DGKB: variants seen among roughly 807,000 people sequenced by gnomAD.
The protein encoded by DGKB is diacylglycerol kinase beta, also known as 90 kDa diacylglycerol kinase.
A neutral mutation model predicts 114.3 loss-of-function variants in DGKB; 67 were observed. The observed-to-expected ratio is 0.59, with a 90% confidence interval of 0.48 to 0.72. DGKB has a LOEUF of 0.72. DGKB is among the 30% of genes least tolerant of loss of function. DGKB has a pLI of 0.00. For missense variants in DGKB, 907 were observed against 975.2 expected, an observed-to-expected ratio of 0.93 and a Z score of 0.93; for synonymous variants, 398 against 323.1, an observed-to-expected ratio of 1.23 and a Z score of -2.49.
intron 1 of DGKB, among the ~76,000 whole-genome samples, chr7:14,919,825 T>A (rs901415271): frequency 9.2e-5 from 14 of 152,088 alleles, no homozygotes; most frequent in African/African-American, 3.4e-4. Context: ...CATGTGAGCT[T>A]GTTGTTTAAC....
At chr7:14,490,973 C>CATTAA (rs1389328440) in intron 20 of DGKB, among the ~76,000 whole-genome samples, 2 of 150,922 alleles carry the variant, frequency 1.3e-5, no homozygotes, top group Non-Finnish European at 3.0e-5. Context: ...AATGCAGAAA[C>CATTAA]AGGAGAGATG....
chr7:14,939,624 T>TA (rs1393610438), intron 1 of DGKB, among the ~76,000 whole-genome samples: 3 of 129,982 alleles, frequency 2.3e-5, no homozygotes, highest in African/African-American at 6.4e-5. Flanking sequence ...TATAATACTT[T>TA]TTTTTTTTTT....
At chr7:14,200,104 T>C (rs1452412999) in intron 23 of DGKB, among the ~76,000 whole-genome samples, 1 of 152,036 alleles carries the variant, frequency 6.6e-6, no homozygotes, top group Non-Finnish European at 1.5e-5. Flanking sequence ...GTTAATAAAT[T>C]GAGCACAAGG....
intron 23 of DGKB, among the ~76,000 whole-genome samples, chr7:14,273,046 T>G (rs1798491979): frequency 6.6e-6 from 1 of 152,120 alleles, no homozygotes; most frequent in Admixed American, 6.6e-5. Context: ...CTGAATTCAT[T>G]AGAAAGATCA....
chr7:14,706,460 G>A (rs899105752), intron 6 of DGKB, among the ~76,000 whole-genome samples: 8 of 150,732 alleles, frequency 5.3e-5, no homozygotes, highest in African/African-American at 1.7e-4. Flanking sequence ...TCTGCACCAA[G>A]AGGACCTAAT....
chr7:14,755,479 T>C (rs1018846492), intron 3 of DGKB, among the ~76,000 whole-genome samples: 4 of 152,152 alleles, frequency 2.6e-5, no homozygotes, highest in Admixed American at 1.3e-4. Context: ...TCATTCCAAA[T>C]TCAGGTTGCA....
At chr7:14,209,859 T>A (rs1026500180) in intron 23 of DGKB, among the ~76,000 whole-genome samples, 2 of 151,198 alleles carry the variant, frequency 1.3e-5, no homozygotes, top group Admixed American at 6.6e-5. Context: ...TGTTAAGCTA[T>A]CTGGCAAATT....
At chr7:14,231,124 TTTCTTTCTTTC>T (rs1380867983) in intron 23 of DGKB, among the ~76,000 whole-genome samples, 31 of 126,830 alleles carry the variant, frequency 2.4e-4, no homozygotes, top group Admixed American at 4.1e-4. Flanking sequence ...TCTTTCTTTC[TTTCTTTCTTTC>T]TTTCTTTCTT....
At chr7:14,260,517 C>A (rs972304328) in intron 23 of DGKB, among the ~76,000 whole-genome samples, 3 of 152,276 alleles carry the variant, frequency 2.0e-5, no homozygotes, top group African/African-American at 4.8e-5. Flanking sequence ...TGATGATCAT[C>A]ATTTTATAAG....
rs2128896818 is a variant in DGKB, at chr7:14,474,754, CAATT to C, written c.1835+3403_1835+3406del. On this transcript the variant is annotated intron_variant, in intron 21 of 25. Coordinates refer to ENST00000402815, the MANE Select transcript of DGKB (RefSeq NM_001350709.2). ...AAATATGTTTATGAATACTAATTGA[CAATT>C]TATATAAATATTTTAAATACCAATA... Among the ~76,000 whole-genome samples the C allele has an allele frequency of 1.3e-5, 2 of 151,390 alleles. 1 individual carries two copies. The highest frequency in any genetic ancestry group is 4.2e-4 in the South Asian group (2 of 4,804).
intron 20 of DGKB, among the ~76,000 whole-genome samples, chr7:14,557,849 A>G (rs1363661247): frequency 6.6e-6 from 1 of 151,694 alleles, no homozygotes; most frequent in African/African-American, 2.4e-5. Flanking sequence ...TAGACTCCTT[A>G]CATATTTATT....
At chr7:14,649,446 G>A (rs999083540) in intron 13 of DGKB, among the ~76,000 whole-genome samples, 59 of 151,124 alleles carry the variant, frequency 3.9e-4, no homozygotes, top group Non-Finnish European at 7.0e-4. Context: ...AGCAAATGCT[G>A]AGAGATTTTG....
At chr7:14,179,391 C>T (rs955320000) in intron 23 of DGKB, among the ~76,000 whole-genome samples, 5 of 152,076 alleles carry the variant, frequency 3.3e-5, no homozygotes, top group African/African-American at 1.2e-4. Flanking sequence ...AATATAAATA[C>T]ACAATTGTAC....
At chr7:14,812,064 G>T (rs1303830511) in intron 2 of DGKB, among the ~76,000 whole-genome samples, 1 of 151,984 alleles carries the variant, frequency 6.6e-6, no homozygotes, top group Admixed American at 6.6e-5. Context: ...GAACTGGCTT[G>T]TTTCACTTAG....
At chr7:14,334,122 T>G (rs1401358195) in intron 23 of DGKB, among the ~76,000 whole-genome samples, 3 of 152,208 alleles carry the variant, frequency 2.0e-5, no homozygotes, top group Non-Finnish European at 4.4e-5. Context: ...CACTTTGTTT[T>G]CATGTCCACT....
Position 14,682,739 on chromosome 7 carries a change from G to T in DGKB, c.918+14C>A. The T allele has an allele frequency of 1.9e-6, 3 of 1,611,060 alleles. No homozygotes were observed. The highest frequency in any genetic ancestry group is 2.5e-6 in the Non-Finnish European group (3 of 1,177,516). On this transcript the variant is annotated intron_variant, in intron 11 of 25. Transcript: ENST00000402815. ...ATGGCCACCTTCAGAAAGCAAGCAT[G>T]CACACAAACTTACATCAGTGTTCCT...
intron 20 of DGKB, among the ~76,000 whole-genome samples, chr7:14,545,332 C>A (rs1312654493): frequency 6.6e-6 from 1 of 152,088 alleles, no homozygotes; most frequent in Non-Finnish European, 1.5e-5. Context: ...GAGTGTTCGA[C>A]CATGTTCCTG....
intron 20 of DGKB, among the ~76,000 whole-genome samples, chr7:14,547,278 T>C (rs1233139574): frequency 6.6e-6 from 1 of 152,154 alleles, no homozygotes; most frequent in Non-Finnish European, 1.5e-5. Flanking sequence ...AATCTAATAA[T>C]AAGAAATCAG....
At chr7:14,333,345 C>T (rs1210440445) in intron 23 of DGKB, among the ~76,000 whole-genome samples, 1 of 151,630 alleles carries the variant, frequency 6.6e-6, no homozygotes, top group South Asian at 2.1e-4. Flanking sequence ...CCTGCAGTCC[C>T]AGCTACTCTG....
Sources: gnomAD v4.1 joint callset for allele counts (sites outside exome capture counted in the v4.1 genomes callset) on GRCh38, gnomAD v4.1.1 for gene constraint, MANE v1.5 for transcripts, NCBI Gene and HGNC (gene_info 2026-07-23, HGNC 2026-07-21) for gene names.